The following NSG2 variants were observed in gnomAD, a reference collection of about 807,000 sequenced individuals.
The protein encoded by NSG2 is neuronal vesicle trafficking-associated protein 2.
In NSG2, 4 loss-of-function variants were observed where a neutral mutation model predicts 16.9. That is an observed-to-expected ratio of 0.24 (90% CI 0.12 to 0.54). The LOEUF (loss-of-function observed/expected upper bound fraction) is 0.54. Among genes scored for constraint, NSG2 ranks in the 20% least tolerant of loss-of-function variants. The pLI is 0.95. For synonymous variants in NSG2, 98 were observed against 88.7 expected (o/e 1.11, Z -0.59); for missense variants, 179 against 221.1 (o/e 0.81, Z 1.21).
At chr5:174,068,662 G>A (rs1760184461) in intron 3 of NSG2, among the ~76,000 whole-genome samples, 1 of 151,772 alleles carries the variant, frequency 6.6e-6, no homozygotes, top group African/African-American at 2.4e-5. Flanking sequence ...GGAGGGTGCT[G>A]GTGTCATAGT....
chr5:174,063,024 C>T (rs995848427), intron 2 of NSG2, among the ~76,000 whole-genome samples: 3 of 152,082 alleles, frequency 2.0e-5, no homozygotes, highest in Admixed American at 6.5e-5. Flanking sequence ...GCTTGAGTTT[C>T]CTTGTTAGGA....
In NSG2 at chr5:174,107,219, C is replaced by T. The variant is rs542069462; in HGVS notation, c.325-95C>T. 2.4e-4 allele frequency: 283 copies of T among 1,165,930 alleles called. 2 individuals are homozygous for T. The highest frequency in any genetic ancestry group is 8.8e-4 in the South Asian group (48 of 54,382). 72.2% of individuals were successfully genotyped at this position (1,165,930 alleles called of 1,614,324 possible). A position where few individuals can be genotyped will look rare whatever the true frequency, so the allele number is the denominator to read the frequency against. The stretch of plus-strand genomic sequence containing the variant: ...GTCACCTGCCCTCTGGCTGACAGCC[C>T]GATGCAGCTGCACTCCAGTCAGGGT... On this transcript the variant is annotated intron_variant, in intron 4 of 4. Coordinates refer to ENST00000303177, the MANE Select transcript of NSG2 (RefSeq NM_015980.5). The surrounding 1 kb of genome is among the most constrained non-coding windows in gnomAD (Gnocchi z 4.5).
intron 3 of NSG2, among the ~76,000 whole-genome samples, chr5:174,077,136 C>T (rs1014248093): frequency 6.6e-6 from 1 of 152,142 alleles, no homozygotes; most frequent in Admixed American, 6.5e-5. Context: ...TAAACAGACC[C>T]AATATGATTG....
intron 2 of NSG2, among the ~76,000 whole-genome samples, chr5:174,051,252 C>G (rs1302755908): frequency 6.6e-6 from 1 of 152,118 alleles, no homozygotes; most frequent in Non-Finnish European, 1.5e-5. Flanking sequence ...TCCCCCAGTC[C>G]TGCCCCTGGG....
rs900166545 is a variant in NSG2, at chr5:174,107,020, G to A, written c.325-294G>A. 6.6e-6 allele frequency among the ~76,000 whole-genome samples: 1 copy of A among 152,208 alleles called. No homozygotes were observed. The highest frequency in any genetic ancestry group is 2.4e-5 in the African/African-American group (1 of 41,464). On this transcript the variant is annotated intron_variant, in intron 4 of 4. Transcript: ENST00000303177. The surrounding 1 kb of genome is among the most constrained non-coding windows in gnomAD (Gnocchi z 4.5). Reference sequence around the variant, plus strand: ...AATCAGCCAGATAGAGGGAGTCTGTGGGGGTCTCTACAGCATCCACTACAG... The same window carrying A: ...AATCAGCCAGATAGAGGGAGTCTGTAGGGGTCTCTACAGCATCCACTACAG...
chr5:174,054,775 T>C (rs1046026561), intron 2 of NSG2, among the ~76,000 whole-genome samples: 1 of 152,136 alleles, frequency 6.6e-6, no homozygotes, highest in Admixed American at 6.5e-5. Context: ...CACAGGGAGA[T>C]CACTGTGAAG....
chr5:174,049,251 A>C (rs545734374), intron 2 of NSG2, among the ~76,000 whole-genome samples: 2 of 152,260 alleles, frequency 1.3e-5, no homozygotes, highest in African/African-American at 4.8e-5. Flanking sequence ...GAGGCAGGAG[A>C]ATGGCGTGAA....
At chr5:174,084,740 A>G (rs138349941) in intron 3 of NSG2, among the ~76,000 whole-genome samples, 155 of 152,320 alleles carry the variant, frequency 1.0e-3, no homozygotes, top group African/African-American at 3.5e-3. Context: ...TGCCAGGGCT[A>G]CGGGGTCACA....
At chr5:174,094,610 C>G (rs144128713) in intron 3 of NSG2, among the ~76,000 whole-genome samples, 1 of 152,316 alleles carries the variant, frequency 6.6e-6, no homozygotes, top group African/African-American at 2.4e-5. Context: ...GGGTCCAGCT[C>G]TCCCAGCTGT....
At chr5:174,078,005 A>T (rs1223378741) in intron 3 of NSG2, among the ~76,000 whole-genome samples, 2 of 152,200 alleles carry the variant, frequency 1.3e-5, no homozygotes, top group African/African-American at 4.8e-5. Flanking sequence ...GTGCTGTCCA[A>T]ATTGGAAGCC....
chr5:174,066,775 G>A (rs577235145), intron 3 of NSG2, among the ~76,000 whole-genome samples: 2 of 151,946 alleles, frequency 1.3e-5, no homozygotes, highest in East Asian at 3.9e-4. Flanking sequence ...TGTGTCACGA[G>A]GTCAGGAGAT....
At position 174,102,084 on chromosome 5, in the gene NSG2, T is replaced by A. The variant is rs890353937; in HGVS notation, c.214-2144T>A. ...GGTAATGGAGAGAATGGACAGCACA[T>A]GGTGTCAACAGTAGCTTAAAATTGA... is the stretch of plus-strand genomic sequence containing the variant. On this transcript the variant is annotated intron_variant, in intron 3 of 4. Coordinates refer to ENST00000303177, the MANE Select transcript of NSG2 (RefSeq NM_015980.5). Among the ~76,000 whole-genome samples, 5 of 152,218 alleles carry A rather than the reference T, an allele frequency of 3.3e-5. No homozygotes were observed. The East Asian group carries it at 9.6e-4, about 29-fold the overall frequency.
rs780838285 is a variant in NSG2, at chr5:174,107,616, C to T, written c.*111C>T. On this transcript the variant is annotated 3_prime_UTR_variant, in exon 5 of 5. Transcript: ENST00000303177. This position sits in a 1 kb window ranked among gnomAD's most constrained non-coding sequence, Gnocchi z 4.5. ...TACTCCTGGGATATGGGGGCGGGGGCGGGGCAGGGCAGGGTGGGGGGAAGA... is the reference window on the plus strand; with the variant it reads ...TACTCCTGGGATATGGGGGCGGGGGTGGGGCAGGGCAGGGTGGGGGGAAGA... 1.1e-4 allele frequency: 28 copies of T among 253,466 alleles called. No homozygotes were observed. Among genetic ancestry groups the T allele is most frequent in the African/African-American group, 1.0e-3 (22 of 21,694 alleles). 15.7% of individuals were successfully genotyped at this position (253,466 alleles called of 1,614,324 possible).
chr5:174,060,718 G>A (rs1452889787), intron 2 of NSG2, among the ~76,000 whole-genome samples: 1 of 152,150 alleles, frequency 6.6e-6, no homozygotes, highest in African/African-American at 2.4e-5. Context: ...CTTCTTTCAA[G>A]CTCATTGAGG....
intron 3 of NSG2, among the ~76,000 whole-genome samples, chr5:174,087,546 G>A (rs1760648676): frequency 6.6e-6 from 1 of 152,096 alleles, no homozygotes; most frequent in Admixed American, 6.5e-5. Context: ...TTGGGAGGCT[G>A]AGGTAGGAGG....
intron 3 of NSG2, among the ~76,000 whole-genome samples, chr5:174,098,059 A>T (rs937289367): frequency 6.6e-6 from 1 of 151,896 alleles, no homozygotes; most frequent in African/African-American, 2.4e-5. Context: ...GTGTGCTCCT[A>T]TGGAGGAGGA....
intron 3 of NSG2, among the ~76,000 whole-genome samples, chr5:174,084,531 A>G (rs1581234532): frequency 6.6e-6 from 1 of 152,298 alleles, no homozygotes; most frequent in Admixed American, 6.5e-5. Context: ...AGTTCCTTCC[A>G]CGGAGCCTGT....
intron 3 of NSG2, among the ~76,000 whole-genome samples, chr5:174,103,856 C>T (rs192309324): frequency 3.3e-5 from 5 of 152,114 alleles, no homozygotes; most frequent in African/African-American, 7.2e-5. Flanking sequence ...CCCAGCTACT[C>T]GGAAGGCTGA....
chr5:174,056,418 G>C (rs913109205), intron 2 of NSG2: 6 of 152,220 alleles, frequency 3.9e-5, no homozygotes, highest in African/African-American at 7.2e-5. Context: ...TGGTATTCTT[G>C]AGTTTGAATG....
Sources: gnomAD v4.1 joint callset for allele counts (sites outside exome capture counted in the v4.1 genomes callset) on GRCh38, gnomAD v4.1.1 for gene constraint, Gnocchi (gnomAD v3.1) non-coding constraint, MANE v1.5 for transcripts, NCBI Gene and HGNC (gene_info 2026-07-23, HGNC 2026-07-21) for gene names.